MAP4: variants seen among roughly 807,000 people sequenced by gnomAD.
MAP4 encodes the protein microtubule-associated protein 4.
MAP4 carries 76 observed loss-of-function variants against 170.2 expected under a neutral mutation model. That is an observed-to-expected ratio of 0.45 (90% CI 0.37 to 0.54). MAP4 has a LOEUF of 0.54. Ranked by LOEUF, MAP4 falls within the 20% of genes least tolerant of loss-of-function variation. The probability of loss-of-function intolerance (pLI) is 0.00; values close to 1 mark genes in which losing one functional copy is unlikely to be tolerated. For synonymous variants in MAP4, 909 were observed against 994.5 expected (o/e 0.91, Z 1.62); for missense variants, 2,506 against 2,748.0 (o/e 0.91, Z 1.97).
chr3:47,923,206 C>A (rs1468195264), intron 4 of MAP4, among the ~76,000 whole-genome samples: 4 of 151,792 alleles, frequency 2.6e-5, no homozygotes, highest in Non-Finnish European at 5.9e-5. Flanking sequence ...CAACTAGTTC[C>A]TGAGTGACAC....
At chr3:48,024,538 G>C (rs1469558408) in intron 1 of MAP4, among the ~76,000 whole-genome samples, 1 of 152,082 alleles carries the variant, frequency 6.6e-6, no homozygotes, top group East Asian at 1.9e-4. Context: ...GGTGCTCTTT[G>C]CTATCAACCA....
intron 4 of MAP4, among the ~76,000 whole-genome samples, chr3:47,922,277 T>C (rs2100043369): frequency 1.3e-5 from 2 of 152,122 alleles, no homozygotes; most frequent in Admixed American, 6.6e-5. Flanking sequence ...ATGATGAATA[T>C]AGATGAGTTG....
At chr3:47,858,999 A>G (rs1325551826) in intron 17 of MAP4, among the ~76,000 whole-genome samples, 6 of 152,222 alleles carry the variant, frequency 3.9e-5, no homozygotes, top group East Asian at 1.9e-4. Context: ...GCGTGGTGGC[A>G]GGTGCCTGTA....
intron 3 of MAP4, among the ~76,000 whole-genome samples, chr3:47,970,825 AAAAC>A (rs912865512): frequency 2.0e-5 from 3 of 152,208 alleles, no homozygotes; most frequent in Non-Finnish European, 4.4e-5. Context: ...CTCAAAAACA[AAAAC>A]AAACAAAAAA....
chr3:47,957,373 G>C (rs973789164), intron 3 of MAP4, among the ~76,000 whole-genome samples: 1 of 151,916 alleles, frequency 6.6e-6, no homozygotes, highest in Admixed American at 6.6e-5. Flanking sequence ...GTTTCACCAT[G>C]TTAGCCAGGC....
intron 1 of MAP4, among the ~76,000 whole-genome samples, chr3:48,035,560 G>T (rs1388629912): frequency 6.6e-6 from 1 of 152,120 alleles, no homozygotes; most frequent in Admixed American, 6.6e-5. Flanking sequence ...CTGGAACCCA[G>T]GAGGTTGAGG....
At chr3:47,955,953 T>TAGAATTTTG (rs2154136657) in intron 3 of MAP4, among the ~76,000 whole-genome samples, 1 of 152,322 alleles carries the variant, frequency 6.6e-6, no homozygotes, top group East Asian at 1.9e-4. Flanking sequence ...CCCAGACTTC[T>TAGAATTTTG]AGAATTTTGA....
At position 47,852,632 on chromosome 3, in the gene MAP4, C is replaced by T; in HGVS notation, c.*302G>A. On this transcript the variant is annotated 3_prime_UTR_variant, in exon 21 of 21. Transcript: ENST00000683076. ...CCCCCTCCCAACCTCCTCCACGGAG[C>T]AGTGGCGCAGTGATGGGGCAAGACC... is the stretch of plus-strand genomic sequence containing the variant. 1.0e-6 allele frequency: 1 copy of T among 993,014 alleles called. No homozygotes were observed. The highest frequency in any genetic ancestry group is 1.6e-5 in the African/African-American group (1 of 61,030). 61.5% of individuals were successfully genotyped at this position (993,014 alleles called of 1,614,324 possible).
chr3:47,904,249 G>C (rs1203051102), intron 9 of MAP4, among the ~76,000 whole-genome samples: 5 of 152,134 alleles, frequency 3.3e-5, no homozygotes, highest in Non-Finnish European at 7.3e-5. Context: ...GTGTGTGTAT[G>C]ATCTATTTAC....
chr3:47,914,566 C>G (rs541736879), intron 8 of MAP4, among the ~76,000 whole-genome samples: 5 of 148,476 alleles, frequency 3.4e-5, no homozygotes, highest in Non-Finnish European at 7.5e-5. Flanking sequence ...AAAAAAACAA[C>G]GACAACAACA....
chr3:48,061,433 A>G lies in MAP4; in HGVS notation c.-20+27340T>C, dbSNP rs1333006762. 2.0e-4 allele frequency among the ~76,000 whole-genome samples: 30 copies of G among 152,070 alleles called. 1 individual carries two copies. The highest frequency in any genetic ancestry group is 2.0e-3 in the Admixed American group (30 of 15,282). ...GGTCTCCAGCTCCTAACTGCGAGTG[A>G]TCTGCCAGCCTAGGCCTCCTGAGGT... On this transcript the variant is annotated intron_variant, in intron 1 of 18. Coordinates refer to the MAP4 transcript ENST00000360240.
intron 3 of MAP4, among the ~76,000 whole-genome samples, chr3:47,942,256 G>A (rs984287382): frequency 6.6e-6 from 1 of 152,056 alleles, no homozygotes; most frequent in Non-Finnish European, 1.5e-5. Flanking sequence ...ACGTTAAAAT[G>A]GCATAACAAT....
intron 3 of MAP4, among the ~76,000 whole-genome samples, chr3:47,968,178 C>T (rs2100076260): frequency 6.6e-6 from 1 of 152,162 alleles, no homozygotes; most frequent in Admixed American, 6.5e-5. Flanking sequence ...TTGGATACTG[C>T]AATACCTCAC....
intron 1 of MAP4, among the ~76,000 whole-genome samples, chr3:48,060,704 A>G (rs2100134721): frequency 6.6e-6 from 1 of 151,984 alleles, no homozygotes; most frequent in African/African-American, 2.4e-5. Flanking sequence ...ACAGGAGCCC[A>G]GGAGTTCAAG....
At chr3:47,884,829 G>A (rs1296862178) in intron 10 of MAP4, among the ~76,000 whole-genome samples, 3 of 152,116 alleles carry the variant, frequency 2.0e-5, no homozygotes, top group East Asian at 1.9e-4. Flanking sequence ...TGAAACCTAC[G>A]AAAGTCTCCT....
Position 47,910,201 on chromosome 3 carries a change from T to C in MAP4, c.4220A>G (p.Tyr1407Cys), listed in dbSNP as rs1315257756. The change falls in exon 9 of 21, where the codon TAT becomes TGT. Residue 1407 changes from tyrosine (Y) to cysteine (C), a missense_variant. Physicochemically the swap from Tyr to Cys is radical, Grantham distance 194. Transcript: ENST00000683076. ...TGDQGIEGMA[Y>C]MDENRNITFT... Reference sequence around the variant, plus strand: ...TGTAATATTTCTATTTTCGTCCATATAGGCCATTCCTTCAATTCCCTGGTC... The same window carrying C: ...TGTAATATTTCTATTTTCGTCCATACAGGCCATTCCTTCAATTCCCTGGTC... The C allele has an allele frequency of 3.7e-6, 6 of 1,613,244 alleles. No individual in the cohort carries two copies. The highest frequency in any genetic ancestry group is 5.1e-6 in the Non-Finnish European group (6 of 1,179,868).
chr3:47,927,293 G>A (rs2100046595), intron 4 of MAP4, among the ~76,000 whole-genome samples: 1 of 151,854 alleles, frequency 6.6e-6, no homozygotes, highest in South Asian at 2.1e-4. Flanking sequence ...TGAAACAAAC[G>A]ATGAGCATCT....
intron 3 of MAP4, chr3:47,960,351 T>C: frequency 4.3e-6 from 1 of 230,910 alleles, no homozygotes. Context: ...TTTCAGGAGC[T>C]TTTCTCCATT....
In MAP4 at chr3:47,918,751, T is replaced by C; in HGVS notation, c.620A>G (p.Glu207Gly). 1 of 1,611,378 alleles carries C rather than the reference T, an allele frequency of 6.2e-7. No individual in the cohort carries two copies. The highest frequency in any genetic ancestry group is 8.5e-7 in the Non-Finnish European group (1 of 1,177,618). Residue 207 changes from glutamate (E) to glycine (G), a missense_variant, in exon 6 of 21, where the codon GAG becomes GGG. This residue lies in a region of MAP4 where 2,008 missense variants were observed against 2,206.0 expected (regional missense o/e 0.91). Transcript: ENST00000683076. ...TGGCTGAGGAGGTTCTGCAACAGCC[T>C]CTGGGGAAACAAAGGACTCTGAGTG... is the stretch of plus-strand genomic sequence containing the variant. ...SPHSESFVSP[E>G]AVAEPPQPTA...
Sources: allele counts gnomAD v4.1 joint callset (sites outside exome capture counted in the v4.1 genomes callset), GRCh38; gene constraint gnomAD v4.1.1; regional missense constraint gnomAD v4.1.1; transcripts MANE v1.5; gene names NCBI Gene and HGNC (gene_info 2026-07-23, HGNC 2026-07-21).